KSR2: variants seen among roughly 807,000 people sequenced by gnomAD.
The protein encoded by KSR2 is kinase suppressor of ras 2.
Under a neutral mutation model 107.8 loss-of-function variants are expected in KSR2, and 25 were observed. The ratio of observed to expected loss-of-function variants is 0.23; its 90% CI spans 0.17 to 0.32. KSR2 has a LOEUF of 0.32. Ranked by LOEUF, KSR2 falls within the 10% of genes least tolerant of loss-of-function variation. KSR2 has a pLI of 1.00. For missense variants in KSR2, 887 were observed against 1,268.9 expected (o/e 0.70, Z 4.57); for synonymous variants, 480 against 507.0 (o/e 0.95, Z 0.71).
chr12:117,966,623 GCA>G (rs71099095), intron 1 of KSR2, among the ~76,000 whole-genome samples: 62 of 143,094 alleles, frequency 4.3e-4, no homozygotes, highest in African/African-American at 5.5e-4. Context: ...ACACGCGCAC[GCA>G]CACACACACA....
intron 4 of KSR2, among the ~76,000 whole-genome samples, chr12:117,671,033 G>A (rs1282862725): frequency 2.0e-5 from 3 of 152,136 alleles, no homozygotes; most frequent in Non-Finnish European, 4.4e-5. Context: ...TCCTTAACAT[G>A]GTACCCAATA....
At chr12:117,571,683 T>C (rs975906646) in intron 7 of KSR2, among the ~76,000 whole-genome samples, 1 of 152,154 alleles carries the variant, frequency 6.6e-6, no homozygotes. Flanking sequence ...GAGTGAGCGC[T>C]CCTTGGTCCT....
At position 117,688,915 on chromosome 12, in the gene KSR2, C is replaced by G. The variant is rs181204899; in HGVS notation, c.987-21257G>C. Reference sequence around the variant, plus strand: ...AGCAGATCTCCTTCTTTCCTTCCTTCTCTCCTGCCTCCTTTTTCCTTCCTT... The same window carrying G: ...AGCAGATCTCCTTCTTTCCTTCCTTGTCTCCTGCCTCCTTTTTCCTTCCTT... On this transcript the variant is annotated intron_variant, in intron 4 of 19. Coordinates refer to ENST00000339824, the MANE Select transcript of KSR2 (RefSeq NM_173598.6). 1.5e-3 allele frequency among the ~76,000 whole-genome samples: 236 copies of G among 152,288 alleles called. 1 individual carries two copies. Among genetic ancestry groups the G allele is most frequent in the African/African-American group, 5.6e-3 (231 of 41,560 alleles).
At chr12:117,555,070 A>T (rs930785383) in intron 9 of KSR2, 99 bp downstream of exon 9, 18 of 1,441,660 alleles carry the variant, frequency 1.2e-5, no homozygotes, top group Non-Finnish European at 1.6e-5. Context: ...ACGGGCTAGG[A>T]GGGAGCGCCA....
At chr12:117,651,652 T>C (rs1356860904) in intron 5 of KSR2, among the ~76,000 whole-genome samples, 2 of 152,076 alleles carry the variant, frequency 1.3e-5, no homozygotes, top group East Asian at 1.9e-4. Context: ...TGTGAGTGAG[T>C]TGGAAATGCC....
chr12:117,913,529 G>C (rs536303122), intron 1 of KSR2, among the ~76,000 whole-genome samples: 1 of 152,096 alleles, frequency 6.6e-6, no homozygotes, highest in Admixed American at 6.6e-5. Context: ...TACTCAAAAG[G>C]GTGGGCCCTA....
rs1281502596 is a variant in KSR2, at chr12:117,531,162, C to T, written c.1730-149G>A. The T allele has an allele frequency of 8.8e-6, 6 of 682,482 alleles. No homozygotes were observed. The African/African-American group carries it at 1.1e-4, about 12-fold the overall frequency. The allele number at this position is 682,482 out of a possible 1,614,324, so 42.3% of individuals were successfully genotyped here. On this transcript the variant is annotated intron_variant, in intron 11 of 19. Transcript: ENST00000339824. Reference sequence around the variant, plus strand: ...ATCTCCTTTCTCCTTTCCTGGACCACCTGGACTCTACCTGCTCAGCTGGAC... The same window carrying T: ...ATCTCCTTTCTCCTTTCCTGGACCATCTGGACTCTACCTGCTCAGCTGGAC...
At chr12:117,792,811 G>C (rs1316192722) in intron 3 of KSR2, among the ~76,000 whole-genome samples, 1 of 152,144 alleles carries the variant, frequency 6.6e-6, no homozygotes, top group African/African-American at 2.4e-5. Context: ...AAAAATAACT[G>C]AGAACTGTGG....
chr12:117,679,680 C>T (rs1259674130), intron 4 of KSR2, among the ~76,000 whole-genome samples: 4 of 152,076 alleles, frequency 2.6e-5, no homozygotes, highest in Non-Finnish European at 5.9e-5. Flanking sequence ...TGTCTTTTAG[C>T]CCATCTGGGT....
chr12:117,460,444 G>A lies in KSR2; in HGVS notation c.*6755C>T, dbSNP rs1592893853. ...GAGGGGATAGGAAGCCTGGAGCAGGGATACTGGAGGGACCCAGGAGGGACT... is the reference window on the plus strand; with the variant it reads ...GAGGGGATAGGAAGCCTGGAGCAGGAATACTGGAGGGACCCAGGAGGGACT... On this transcript the variant is annotated 3_prime_UTR_variant, in exon 20 of 20. Coordinates refer to ENST00000339824, the MANE Select transcript of KSR2 (RefSeq NM_173598.6). 1.3e-5 allele frequency: 2 copies of A among 152,404 alleles called. No homozygotes were observed. Among genetic ancestry groups the A allele is most frequent in the East Asian group, 3.9e-4 (2 of 5,184 alleles). The allele number at this position is 152,404 out of a possible 1,614,324, so 9.4% of individuals were successfully genotyped here.
chr12:117,635,684 G>T (rs11068594), intron 5 of KSR2, among the ~76,000 whole-genome samples: 16,289 of 152,154 alleles, frequency 0.11, 994 homozygotes, highest in African/African-American at 0.15. Flanking sequence ...AAAAGTTGCA[G>T]AGATAGTACA....
At chr12:117,866,195 C>G in intron 1 of KSR2, among the ~76,000 whole-genome samples, 1 of 152,198 alleles carries the variant, frequency 6.6e-6, no homozygotes, top group Non-Finnish European at 1.5e-5. Flanking sequence ...TGCCACCATG[C>G]CTGGCATGGG....
intron 5 of KSR2, among the ~76,000 whole-genome samples, chr12:117,667,052 C>T (rs1007425175): frequency 1.3e-5 from 2 of 152,134 alleles, no homozygotes; most frequent in African/African-American, 4.8e-5. Context: ...GAAAAAAATA[C>T]AAAACTTAAT....
intron 5 of KSR2, among the ~76,000 whole-genome samples, chr12:117,598,636 T>A (rs544057936): frequency 6.3e-4 from 96 of 152,328 alleles, no homozygotes; most frequent in Non-Finnish European, 1.1e-3. Flanking sequence ...TATTATTTTT[T>A]AATTTTTTTA....
chr12:117,463,719 C>T lies in KSR2; in HGVS notation c.*3480G>A, dbSNP rs1316509249. 1 of 152,278 alleles carries T rather than the reference C, an allele frequency of 6.6e-6. No individual in the cohort carries two copies. Among genetic ancestry groups the T allele is most frequent in the Admixed American group, 6.5e-5 (1 of 15,278 alleles). The allele number at this position is 152,278 out of a possible 1,614,324, so 9.4% of individuals were successfully genotyped here. On this transcript the variant is annotated 3_prime_UTR_variant, in exon 20 of 20. Transcript: ENST00000339824. ...TAGATTTCTCAAGATAATGATTGGC[C>T]TGAGCTCCGTGTCTACTACTTCCTC...
At chr12:117,911,789 G>C (rs1283124116) in intron 1 of KSR2, among the ~76,000 whole-genome samples, 2 of 76,994 alleles carry the variant, frequency 2.6e-5, no homozygotes, top group East Asian at 1.8e-3. Flanking sequence ...CATGAGGATC[G>C]CAAACTCTCA....
intron 11 of KSR2, 93 bp downstream of exon 11, chr12:117,531,573 C>T (rs7296195): frequency 0.067 from 71,176 of 1,068,384 alleles, 2,982 homozygotes; most frequent in Non-Finnish European, 0.083. Context: ...TCTTAGGCAC[C>T]CCCACAACAT....
intron 3 of KSR2, among the ~76,000 whole-genome samples, chr12:117,770,933 C>G (rs1017828004): frequency 6.9e-6 from 1 of 145,758 alleles, no homozygotes; most frequent in Non-Finnish European, 1.5e-5. Flanking sequence ...GCCAAGATCG[C>G]ACCACTGCAC....
chr12:117,737,191 T>C (rs1399239698), intron 4 of KSR2, among the ~76,000 whole-genome samples: 1 of 152,208 alleles, frequency 6.6e-6, no homozygotes, highest in African/African-American at 2.4e-5. Flanking sequence ...CTAATCCTAA[T>C]GTAACATCAT....
Sources: gnomAD v4.1 joint callset for allele counts (sites outside exome capture counted in the v4.1 genomes callset) on GRCh38, gnomAD v4.1.1 for gene constraint, MANE v1.5 for transcripts, NCBI Gene and HGNC (gene_info 2026-07-23, HGNC 2026-07-21) for gene names.